The following MRPL42 variants were observed in gnomAD, a reference collection of about 807,000 sequenced individuals.
MRPL42 encodes the protein mitochondrial ribosomal protein L42, also known as large ribosomal subunit protein mL42.
Under a neutral mutation model 17.9 loss-of-function variants are expected in MRPL42, and 17 were observed. That is an observed-to-expected ratio of 0.95 (90% CI 0.65 to 1.42). MRPL42 has a LOEUF of 1.42. Among genes scored for constraint, MRPL42 ranks in the 40% most tolerant of loss-of-function variants. The pLI is 0.00. For synonymous variants in MRPL42, 59 were observed against 54.4 expected, an observed-to-expected ratio of 1.08 and a Z score of -0.37; for missense variants, 177 against 175.2, an observed-to-expected ratio of 1.01 and a Z score of -0.06.
intron 2 of MRPL42, among the ~76,000 whole-genome samples, chr12:93,474,154 C>G (rs909760938): frequency 4.0e-5 from 6 of 151,868 alleles, no homozygotes; most frequent in Admixed American, 1.3e-4. Flanking sequence ...ATACTGTTGT[C>G]TTGAGTTTTC....
chr12:93,478,415 AT>A lies in MRPL42; in HGVS notation c.135-964del, dbSNP rs1032389344. Among the ~76,000 whole-genome samples the A allele has an allele frequency of 5.4e-5, 8 of 148,030 alleles. No homozygotes were observed. In the South Asian group the frequency reaches 1.3e-3, roughly 24 times the overall value. On this transcript the variant is annotated intron_variant, in intron 3 of 5. Transcript: ENST00000549982. ...AGGTGTGTGCCACCACACCTGGCTA[AT>A]TTTTTTTTATTTTTTGTAGAGACAG...
At chr12:93,478,730 A>G (rs997669581) in intron 3 of MRPL42, among the ~76,000 whole-genome samples, 2 of 152,154 alleles carry the variant, frequency 1.3e-5, no homozygotes, top group African/African-American at 4.8e-5. Context: ...ATGGTATTCA[A>G]TCTTGAAACC....
chr12:93,474,103 AAC>A (rs998448781), intron 2 of MRPL42, among the ~76,000 whole-genome samples: 5 of 152,066 alleles, frequency 3.3e-5, no homozygotes, highest in Non-Finnish European at 5.9e-5. Flanking sequence ...TGTCTGTGTA[AAC>A]ACAGAGTAGA....
chr12:93,506,970 CAG>C lies in MRPL42; in HGVS notation c.*5751_*5752del, dbSNP rs1460411316. 1.7e-4 allele frequency: 26 copies of C among 152,164 alleles called. No individual in the cohort carries two copies. The highest frequency in any genetic ancestry group is 1.7e-3 in the Admixed American group (26 of 15,284). 9.4% of individuals were successfully genotyped at this position (152,164 alleles called of 1,614,324 possible). On this transcript the variant is annotated 3_prime_UTR_variant, in exon 6 of 6. Transcript: ENST00000549982. The stretch of plus-strand genomic sequence containing the variant: ...TGATTTTTGGGGACTGATTTGGAAA[CAG>C]ATCCAAAGACACTAATTGACTTGCC...
Position 93,469,216 on chromosome 12 carries a change from G to C in MRPL42, c.-70G>C. The C allele has an allele frequency of 8.1e-7, 1 of 1,240,270 alleles. No homozygotes were observed. The highest frequency in any genetic ancestry group is 1.2e-6 in the Non-Finnish European group (1 of 866,132). 76.8% of individuals were successfully genotyped at this position (1,240,270 alleles called of 1,614,324 possible). A position where few individuals can be genotyped will look rare whatever the true frequency, so the allele number is the denominator to read the frequency against. ...GGAGTAGAAATTGGTATGCTTAGAA[G>C]CAGATTCTAAAAGCAGTTTCTCTTC... On this transcript the variant is annotated 5_prime_UTR_variant, in exon 2 of 6. Transcript: ENST00000549982.
intron 4 of MRPL42, among the ~76,000 whole-genome samples, chr12:93,480,177 A>G (rs1880388815): frequency 6.6e-6 from 1 of 152,032 alleles, no homozygotes; most frequent in African/African-American, 2.4e-5. Context: ...GCAGGAGTGC[A>G]GTGGCGTGAT....
intron 2 of MRPL42, among the ~76,000 whole-genome samples, chr12:93,476,453 G>A (rs1880183753): frequency 6.6e-6 from 1 of 152,206 alleles, no homozygotes; most frequent in Non-Finnish European, 1.5e-5. Flanking sequence ...ACAGGCGTGA[G>A]CCACTGTGCC....
rs750799768 is a variant in MRPL42, at chr12:93,505,911, CTTTTT to C, written c.*4706_*4710del. 22 of 122,610 alleles carry C rather than the reference CTTTTT, an allele frequency of 1.8e-4. No individual in the cohort carries two copies. Among genetic ancestry groups the C allele is most frequent in the African/African-American group, 4.9e-4 (16 of 32,330 alleles). The allele number at this position is 122,610 out of a possible 1,614,324, so 7.6% of individuals were successfully genotyped here. A position where few individuals can be genotyped will look rare whatever the true frequency, so the allele number is the denominator to read the frequency against. ...TAGAACCTTATGATTACTTCTGAGT[CTTTTT>C]TTTTTTTTTTTTTTTGAGATGGAGT... On this transcript the variant is annotated 3_prime_UTR_variant, in exon 6 of 6. Transcript: ENST00000549982.
intron 2 of MRPL42, among the ~76,000 whole-genome samples, chr12:93,475,938 A>G (rs948628388): frequency 3.5e-4 from 53 of 151,982 alleles, no homozygotes; most frequent in African/African-American, 1.0e-3. Context: ...CAGAGATCGC[A>G]CCACTGCACT....
chr12:93,482,657 A>G (rs987920444), intron 4 of MRPL42, among the ~76,000 whole-genome samples: 3 of 152,248 alleles, frequency 2.0e-5, no homozygotes, highest in East Asian at 1.9e-4. Flanking sequence ...ACATGTTACT[A>G]TTAGTAGAAT....
intron 1 of MRPL42, among the ~76,000 whole-genome samples, chr12:93,468,381 A>G (rs1286030699): frequency 6.6e-6 from 1 of 152,210 alleles, no homozygotes; most frequent in African/African-American, 2.4e-5. Flanking sequence ...TCATTTATTC[A>G]CAACAGGCCA....
Position 93,487,424 on chromosome 12 carries a change from T to C in MRPL42, c.220-73T>C, listed in dbSNP as rs1024074122. 1.0e-5 allele frequency: 14 copies of C among 1,387,444 alleles called. No individual in the cohort carries two copies. In the South Asian group the frequency reaches 1.7e-4, roughly 17 times the overall value. The allele number at this position is 1,387,444 out of a possible 1,614,324, so 85.9% of individuals were successfully genotyped here. ...TGAATTACTGAATATGGTAATTGTT[T>C]TATTGTGATCTCAAACAAATGCTGG... On this transcript the variant is annotated intron_variant, in intron 4 of 5. Transcript: ENST00000549982.
rs768439176 is a variant in MRPL42 at position 93,506,311 on chromosome 12, G to A, written c.*5090G>A. Reference sequence around the variant, plus strand: ...ACAGAGTCTTGCTCTTGTTGCCTTGGCTGGAGTGTAGTGGCACATTCTCAG... The same window carrying A: ...ACAGAGTCTTGCTCTTGTTGCCTTGACTGGAGTGTAGTGGCACATTCTCAG... On this transcript the variant is annotated 3_prime_UTR_variant, in exon 6 of 6. Transcript: ENST00000549982. 3.1e-5 allele frequency: 4 copies of A among 129,508 alleles called. No homozygotes were observed. Among genetic ancestry groups the A allele is most frequent in the African/African-American group, 9.7e-5 (3 of 31,014 alleles). The allele number at this position is 129,508 out of a possible 1,614,324, so 8.0% of individuals were successfully genotyped here.
intron 5 of MRPL42, 78 bp from the exon 6 acceptor site, chr12:93,501,095 AAAT>A: frequency 8.7e-7 from 1 of 1,143,660 alleles, no homozygotes; most frequent in Non-Finnish European, 1.2e-6. Context: ...TCCAATAGCA[AAAT>A]AATCATAGAA....
rs73367777 is a variant in MRPL42, at chr12:93,503,247, G to T, written c.*2026G>T. On this transcript the variant is annotated 3_prime_UTR_variant, in exon 6 of 6. Transcript: ENST00000549982. Reference sequence around the variant, plus strand: ...ACCCAGGGCTTAATTTGAACATCTCGCCCAAAAGTGACTTTTAAAAGCACT... The same window carrying T: ...ACCCAGGGCTTAATTTGAACATCTCTCCCAAAAGTGACTTTTAAAAGCACT... 6 of 152,164 alleles carry T rather than the reference G, an allele frequency of 3.9e-5. No individual in the cohort carries two copies. In the South Asian group the frequency reaches 1.2e-3, roughly 32 times the overall value. 9.4% of individuals were successfully genotyped at this position (152,164 alleles called of 1,614,324 possible). A position where few individuals can be genotyped will look rare whatever the true frequency, so the allele number is the denominator to read the frequency against.
At chr12:93,497,504 GA>G (rs144635421) in intron 5 of MRPL42, among the ~76,000 whole-genome samples, 2 of 152,000 alleles carry the variant, frequency 1.3e-5, no homozygotes, top group African/African-American at 2.4e-5. Flanking sequence ...AGTAAACACA[GA>G]AAAAAACTTT....
intron 2 of MRPL42, among the ~76,000 whole-genome samples, chr12:93,473,169 A>G (rs374381118): frequency 6.6e-6 from 1 of 152,220 alleles, no homozygotes; most frequent in African/African-American, 2.4e-5. Flanking sequence ...AATTGCTGTT[A>G]ACTTTGGCAT....
intron 4 of MRPL42, among the ~76,000 whole-genome samples, chr12:93,481,876 G>A (rs775138525): frequency 1.3e-5 from 2 of 152,076 alleles, no homozygotes; most frequent in African/African-American, 2.4e-5. Flanking sequence ...AGTCCCTCAT[G>A]TATCTCACAC....
chr12:93,497,749 A>G (rs1403267818), intron 5 of MRPL42, among the ~76,000 whole-genome samples: 2 of 151,672 alleles, frequency 1.3e-5, no homozygotes, highest in East Asian at 3.9e-4. Context: ...GGCAAGAAAA[A>G]AAAAAAAGGC....
Sources: allele counts gnomAD v4.1 joint callset (sites outside exome capture counted in the v4.1 genomes callset), GRCh38; gene constraint gnomAD v4.1.1; transcripts MANE v1.5; gene names NCBI Gene and HGNC (gene_info 2026-07-23, HGNC 2026-07-21).